The following SULT1E1 variants were observed in gnomAD, a reference collection of about 807,000 sequenced individuals.
SULT1E1 encodes the protein sulfotransferase 1E1.
In SULT1E1, 36 loss-of-function variants were observed where a neutral mutation model predicts 33.6. The observed-to-expected ratio is 1.07, with a 90% confidence interval of 0.82 to 1.41. The LOEUF is 1.41. Ranked by LOEUF, SULT1E1 falls within the 40% of genes most tolerant of loss-of-function variation. The pLI is 0.00. For synonymous variants in SULT1E1, 121 were observed against 111.7 expected, an observed-to-expected ratio of 1.08 and a Z score of -0.53; for missense variants, 371 against 345.7, an observed-to-expected ratio of 1.07 and a Z score of -0.58.
At position 69,858,155 on chromosome 4, in the gene SULT1E1, C is replaced by T. The variant is rs535315967; in HGVS notation, c.-9-502G>A. Among the ~76,000 whole-genome samples, 8 of 152,024 alleles carry T rather than the reference C, an allele frequency of 5.3e-5. No individual in the cohort carries two copies. In the South Asian group the frequency reaches 1.7e-3, roughly 32 times the overall value. The stretch of plus-strand genomic sequence containing the variant: ...ATATGTATCATTTTTTTAAATAAAC[C>T]AAATGCTTGGTGAATGTATTTAAAA... On this transcript the variant is annotated intron_variant, in intron 1 of 7. Coordinates refer to ENST00000226444, the MANE Select transcript of SULT1E1 (RefSeq NM_005420.3).
chr4:69,847,704 C>A lies in SULT1E1; in HGVS notation c.585G>T (p.Leu195=), dbSNP rs543232908. The A allele has an allele frequency of 1.2e-6, 2 of 1,600,834 alleles. No individual in the cohort carries two copies. Among genetic ancestry groups the A allele is most frequent in the East Asian group, 2.3e-5 (1 of 44,342 alleles). The change falls in exon 6 of 8, where the codon CTG becomes CTT. Residue 195 remains leucine (L), a synonymous_variant. Transcript: ENST00000226444. ...PRVLFLFYED[L]KEDIRKEVIK... is the part of the protein sequence containing the mutation. ...TGTGTTCCCAGTTCCTCACCTCTTT[C>A]AGGTCTTCGTAGAAAAGAAATAGTA... is the stretch of plus-strand genomic sequence containing the variant.
chr4:69,847,272 A>C (rs6600802), intron 6 of SULT1E1, among the ~76,000 whole-genome samples: 41,262 of 151,212 alleles, frequency 0.27, 6,125 homozygotes, highest in South Asian at 0.43. Flanking sequence ...TGTAATTTTT[A>C]AAATTTCATC....
intron 5 of SULT1E1, among the ~76,000 whole-genome samples, chr4:69,848,840 C>A (rs1427909344): frequency 6.6e-6 from 1 of 151,880 alleles, no homozygotes; most frequent in Non-Finnish European, 1.5e-5. Context: ...TTCCTCAAAT[C>A]TAAACACTTT....
rs190904498 is a variant in SULT1E1 at position 69,846,285 on chromosome 4, T to A, written c.591+1413A>T. Among the ~76,000 whole-genome samples, 440 of 111,554 alleles carry A rather than the reference T, an allele frequency of 3.9e-3. 1 individual carries two copies. The highest frequency in any genetic ancestry group is 0.026 in the South Asian group (91 of 3,466). 73.2% of individuals were successfully genotyped at this position (111,554 alleles called of 152,430 possible). A position where few individuals can be genotyped will look rare whatever the true frequency, so the allele number is the denominator to read the frequency against. Reference sequence around the variant, plus strand: ...TGAGTTCCCTTCACCTCTACTCCCATCCCACATAAACAAAACAATCAAAAA... The same window carrying A: ...TGAGTTCCCTTCACCTCTACTCCCAACCCACATAAACAAAACAATCAAAAA... On this transcript the variant is annotated intron_variant, in intron 6 of 7. Transcript: ENST00000226444.
In SULT1E1 at chr4:69,849,419, T is replaced by C; in HGVS notation, c.496+18A>G. 2 of 1,607,100 alleles carry C rather than the reference T, an allele frequency of 1.2e-6. No homozygotes were observed. Among genetic ancestry groups the C allele is most frequent in the East Asian group, 2.2e-5 (1 of 44,718 alleles). ...TAAAACCTTGAAAAAAAATTCAGTG[T>C]AAAGAAGCTGTTCCTACCCTGTCCT... On this transcript the variant is annotated intron_variant, in intron 5 of 7. Coordinates refer to ENST00000226444, the MANE Select transcript of SULT1E1 (RefSeq NM_005420.3).
At chr4:69,823,675 G>T in the SULT1E1 span, among the ~76,000 whole-genome samples, 1 of 152,072 alleles carries the variant, frequency 6.6e-6, no homozygotes, top group African/African-American at 2.4e-5. Context: ...TTTGTAAATA[G>T]CCCCATGAAC....
At chr4:69,832,759 T>C in the SULT1E1 span, among the ~76,000 whole-genome samples, 4 of 152,102 alleles carry the variant, frequency 2.6e-5, no homozygotes, top group African/African-American at 7.2e-5. Context: ...ACTGCTTAGA[T>C]GAAAAAGCAG....
chr4:69,853,602 T>A (rs1311186729), intron 4 of SULT1E1, among the ~76,000 whole-genome samples: 2 of 152,130 alleles, frequency 1.3e-5, no homozygotes, highest in African/African-American at 4.8e-5. Context: ...ATTCTCTCTC[T>A]TACTTGACCT....
At chr4:69,856,375 A>G (rs1721236292) in intron 2 of SULT1E1, among the ~76,000 whole-genome samples, 1 of 152,222 alleles carries the variant, frequency 6.6e-6, no homozygotes, top group South Asian at 2.1e-4. Flanking sequence ...ATTGTGTTTT[A>G]GAAGAATTTC....
the SULT1E1 span, among the ~76,000 whole-genome samples, chr4:69,828,861 G>A: frequency 6.6e-6 from 1 of 152,166 alleles, no homozygotes; most frequent in South Asian, 2.1e-4. Flanking sequence ...CCTGATAGCA[G>A]TCCTCTTGGG....
the SULT1E1 span, among the ~76,000 whole-genome samples, chr4:69,823,907 G>A: frequency 2.0e-5 from 3 of 152,072 alleles, no homozygotes; most frequent in African/African-American, 7.2e-5. Flanking sequence ...AATATTCAAT[G>A]TCCGGGTCCC....
chr4:69,854,327 A>G lies in SULT1E1; in HGVS notation c.272-13T>C. On this transcript the variant is annotated splice_polypyrimidine_tract_variant and intron_variant, in intron 3 of 7. Coordinates refer to ENST00000226444, the MANE Select transcript of SULT1E1 (RefSeq NM_005420.3). The stretch of plus-strand genomic sequence containing the variant: ...AATTGTTTTACTCCTGATTTTTAAA[A>G]AAGTAAAGGTTAAGCAACTTCAAAA... 1.3e-6 allele frequency: 2 copies of G among 1,584,062 alleles called. No homozygotes were observed. The highest frequency in any genetic ancestry group is 1.7e-6 in the Non-Finnish European group (2 of 1,158,316).
chr4:69,826,425 T>C, the SULT1E1 span, among the ~76,000 whole-genome samples: 1 of 152,152 alleles, frequency 6.6e-6, no homozygotes, highest in Non-Finnish European at 1.5e-5. Context: ...TCGGTCCTCC[T>C]TGTGGTCTAG....
the SULT1E1 span, among the ~76,000 whole-genome samples, chr4:69,827,860 G>T: frequency 6.6e-6 from 1 of 152,174 alleles, no homozygotes; most frequent in Non-Finnish European, 1.5e-5. Context: ...CTTGTTATCA[G>T]TGTGGTTTAC....
At chr4:69,830,354 C>T in the SULT1E1 span, among the ~76,000 whole-genome samples, 44 of 152,330 alleles carry the variant, frequency 2.9e-4, 2 homozygotes, top group South Asian at 8.7e-3. Flanking sequence ...CAATGTTTAC[C>T]TAATATTGCC....
At chr4:69,849,356 C>G in intron 5 of SULT1E1, 81 bp downstream of exon 5, 1 of 1,508,492 alleles carries the variant, frequency 6.6e-7, no homozygotes, top group Non-Finnish European at 9.0e-7. Context: ...CGTACCAGAA[C>G]AGTTAAAAAC....
the SULT1E1 span, among the ~76,000 whole-genome samples, chr4:69,821,576 A>T: frequency 6.6e-6 from 1 of 152,142 alleles, no homozygotes; most frequent in African/African-American, 2.4e-5. Flanking sequence ...CAGTTTCTCT[A>T]TCAATGAAGA....
intron 6 of SULT1E1, among the ~76,000 whole-genome samples, chr4:69,847,102 T>C (rs1217605828): frequency 6.6e-6 from 1 of 151,740 alleles, no homozygotes; most frequent in East Asian, 1.9e-4. Context: ...AGAATTTCCT[T>C]AGCTCCATCT....
chr4:69,834,426 A>G, the SULT1E1 span, among the ~76,000 whole-genome samples: 2 of 152,296 alleles, frequency 1.3e-5, no homozygotes, highest in Non-Finnish European at 2.9e-5. Flanking sequence ...TATTGCCTCT[A>G]TTAGTCACCA....
Sources: gnomAD v4.1 joint callset for allele counts (sites outside exome capture counted in the v4.1 genomes callset) on GRCh38, gnomAD v4.1.1 for gene constraint, MANE v1.5 for transcripts, NCBI Gene and HGNC (gene_info 2026-07-23, HGNC 2026-07-21) for gene names.